The following CHAC2 variants were observed in gnomAD, a reference collection of about 807,000 sequenced individuals.
CHAC2 encodes glutathione-specific gamma-glutamylcyclotransferase 2.
Under a neutral mutation model 16.9 loss-of-function variants are expected in CHAC2, and 20 were observed. That is an observed-to-expected ratio of 1.18 (90% CI 0.83 to 1.72). The LOEUF (loss-of-function observed/expected upper bound fraction) is 1.72. Among genes scored for constraint, CHAC2 ranks in the 40% most tolerant of loss-of-function variants. The probability of loss-of-function intolerance (pLI) is 0.00; values close to 1 mark genes in which losing one functional copy is unlikely to be tolerated. For synonymous variants in CHAC2, 91 were observed against 77.3 expected (o/e 1.18, Z -0.93); for missense variants, 269 against 222.2 (o/e 1.21, Z -1.34).
Position 53,767,950 on chromosome 2 carries a change from G to T in CHAC2, c.64G>T (p.Val22Phe). Reference sequence around the variant, plus strand: ...GGATTTCCCCTATCAGGACAAGCTGGTCGGATACATCACCAACTACAGCAG... The same window carrying T: ...GGATTTCCCCTATCAGGACAAGCTGTTCGGATACATCACCAACTACAGCAG... ...KVDFPYQDKL[V>F]GYITNYSRRF... Residue 22 changes from valine (V) to phenylalanine (F), a missense_variant, in exon 1 of 3, where the codon GTC (valine) becomes TTC (phenylalanine). By Grantham distance (50) the Val-to-Phe change is conservative. Transcript: ENST00000295304. The T allele has an allele frequency of 6.2e-7, 1 of 1,614,148 alleles. No individual in the cohort carries two copies. The highest frequency in any genetic ancestry group is 8.5e-7 in the Non-Finnish European group (1 of 1,180,008).
intron 1 of CHAC2, among the ~76,000 whole-genome samples, chr2:53,769,202 T>C (rs1441162822): frequency 6.6e-6 from 1 of 152,210 alleles, no homozygotes; most frequent in Non-Finnish European, 1.5e-5. Flanking sequence ...CTAAGCTAAA[T>C]TAAATGGCTT....
chr2:53,767,929 T>C lies in CHAC2; in HGVS notation c.43T>C (p.Phe15Leu). The C allele has an allele frequency of 6.2e-7, 1 of 1,614,018 alleles. No individual in the cohort carries two copies. The highest frequency in any genetic ancestry group is 8.5e-7 in the Non-Finnish European group (1 of 1,179,970). ...CGGGTCCCTGATCTGGAAGGTGGAT[T>C]TCCCCTATCAGGACAAGCTGGTCGG... Reference protein sequence around the residue: ...GYGSLIWKVDFPYQDKLVGYI... With the variant: ...GYGSLIWKVDLPYQDKLVGYI... The change falls in exon 1 of 3, where the codon TTC (phenylalanine) becomes CTC (leucine). Residue 15 changes from phenylalanine to leucine, a missense_variant. Transcript: ENST00000295304.
chr2:53,774,060 G>T (rs1158019867), intron 2 of CHAC2, 82 bp from the exon 3 acceptor site: 1 of 1,351,526 alleles, frequency 7.4e-7, no homozygotes, highest in Non-Finnish European at 1.0e-6. Context: ...GAATATATGA[G>T]ATACTCCCTT....
Position 53,774,554 on chromosome 2 carries a change from C to G in CHAC2, c.*29C>G. 6.9e-7 allele frequency: 1 copy of G among 1,448,196 alleles called. No homozygotes were observed. The highest frequency in any genetic ancestry group is 2.3e-5 in the East Asian group (1 of 42,988). The allele number at this position is 1,448,196 out of a possible 1,614,324, so 89.7% of individuals were successfully genotyped here. The stretch of plus-strand genomic sequence containing the variant: ...AGTCTTCAGAGAATTAACTTCAGTG[C>G]ACAATGACAATATGATTTGGAAATA... On this transcript the variant is annotated 3_prime_UTR_variant, in exon 3 of 3. Transcript: ENST00000295304.
chr2:53,768,197 A>T, intron 1 of CHAC2, 176 bp downstream of exon 1: 1 of 717,194 alleles, frequency 1.4e-6, no homozygotes, highest in Non-Finnish European at 2.2e-6. Context: ...TCTCTAACCC[A>T]GCCCGGGCAC....
chr2:53,767,832 G>C lies in CHAC2; in HGVS notation c.-55G>C, dbSNP rs2104113049. ...CGCTTACCGGAGGCTTCAGTCCCCG[G>C]CGGCGCGGCGACAGCTAGGGTTCAC... On this transcript the variant is annotated 5_prime_UTR_variant, in exon 1 of 3. Coordinates refer to ENST00000295304, the MANE Select transcript of CHAC2 (RefSeq NM_001008708.4). 1 of 1,555,554 alleles carries C rather than the reference G, an allele frequency of 6.4e-7. No individual in the cohort carries two copies. The highest frequency in any genetic ancestry group is 2.4e-5 in the East Asian group (1 of 42,152).
intron 2 of CHAC2, among the ~76,000 whole-genome samples, chr2:53,773,814 C>A (rs1358902431): frequency 1.3e-5 from 2 of 151,788 alleles, no homozygotes; most frequent in Non-Finnish European, 2.9e-5. Context: ...GCAGGTGGAT[C>A]ACTTGAGGTC....
At chr2:53,769,847 A>T (rs1673770517) in intron 1 of CHAC2, among the ~76,000 whole-genome samples, 4 of 152,212 alleles carry the variant, frequency 2.6e-5, no homozygotes, top group African/African-American at 9.7e-5. Flanking sequence ...CGTCTCAAAA[A>T]AAAAGAGCTA....
chr2:53,768,840 A>G (rs547853127), intron 1 of CHAC2, among the ~76,000 whole-genome samples: 2 of 152,360 alleles, frequency 1.3e-5, no homozygotes, highest in African/African-American at 4.8e-5. Context: ...ACTGGCTACA[A>G]AACAACTAAT....
chr2:53,770,578 A>T (rs1177190217), intron 1 of CHAC2, among the ~76,000 whole-genome samples: 1 of 151,714 alleles, frequency 6.6e-6, no homozygotes, highest in Non-Finnish European at 1.5e-5. Flanking sequence ...GAACATTCCA[A>T]GTCTGGACTT....
At chr2:53,773,472 C>A (rs1674088854) in intron 2 of CHAC2, among the ~76,000 whole-genome samples, 1 of 151,988 alleles carries the variant, frequency 6.6e-6, no homozygotes, top group African/African-American at 2.4e-5. Flanking sequence ...ACTCTATAAC[C>A]CAGGCTTGAG....
At position 53,774,717 on chromosome 2, in the gene CHAC2, T is replaced by C; in HGVS notation, c.*192T>C. The stretch of plus-strand genomic sequence containing the variant: ...AATTCAAATTTTAATAACATAAAGA[T>C]TTCCTAACTTTATGTTATTGAACAC... On this transcript the variant is annotated 3_prime_UTR_variant, in exon 3 of 3. Coordinates refer to ENST00000295304, the MANE Select transcript of CHAC2 (RefSeq NM_001008708.4). 2 of 468,238 alleles carry C rather than the reference T, an allele frequency of 4.3e-6. No individual in the cohort carries two copies. The highest frequency in any genetic ancestry group is 3.7e-6 in the Non-Finnish European group (1 of 273,764). 29.0% of individuals were successfully genotyped at this position (468,238 alleles called of 1,614,324 possible). A position where few individuals can be genotyped will look rare whatever the true frequency, so the allele number is the denominator to read the frequency against.
chr2:53,769,522 G>T (rs977312198), intron 1 of CHAC2, among the ~76,000 whole-genome samples: 1 of 152,152 alleles, frequency 6.6e-6, no homozygotes, highest in Non-Finnish European at 1.5e-5. Flanking sequence ...AAATTGCCTA[G>T]TCAACACAAC....
rs1413095710 is a variant in CHAC2 at position 53,768,307 on chromosome 2, G to A, written c.135+286G>A. The A allele has an allele frequency of 3.0e-5, 11 of 361,504 alleles. No homozygotes were observed. The East Asian group carries it at 4.6e-4, about 15-fold the overall frequency. 22.4% of individuals were successfully genotyped at this position (361,504 alleles called of 1,614,324 possible). Reference sequence around the variant, plus strand: ...CTCGCACCAGGCTGAGTGCGGAGATGGGGACTCCATCTCTCTGCAACCTCT... The same window carrying A: ...CTCGCACCAGGCTGAGTGCGGAGATAGGGACTCCATCTCTCTGCAACCTCT... On this transcript the variant is annotated intron_variant, in intron 1 of 2. Transcript: ENST00000295304.
chr2:53,768,534 T>G (rs1673661854), intron 1 of CHAC2, among the ~76,000 whole-genome samples: 1 of 152,240 alleles, frequency 6.6e-6, no homozygotes. Context: ...AGTTTTATTT[T>G]CTGACACACA....
In CHAC2 at chr2:53,774,886, T is replaced by C. The variant is rs764123225; in HGVS notation, c.*361T>C. On this transcript the variant is annotated 3_prime_UTR_variant, in exon 3 of 3. Coordinates refer to ENST00000295304, the MANE Select transcript of CHAC2 (RefSeq NM_001008708.4). ...AATTAAACCAAAATTCCAATAAATA[T>C]AAGGTTATGCCTTCAATATATTCCT... 1.1e-4 allele frequency: 18 copies of C among 168,612 alleles called. No individual in the cohort carries two copies. The highest frequency in any genetic ancestry group is 3.6e-4 in the South Asian group (2 of 5,612). The allele number at this position is 168,612 out of a possible 1,614,324, so 10.4% of individuals were successfully genotyped here. A position where few individuals can be genotyped will look rare whatever the true frequency, so the allele number is the denominator to read the frequency against.
chr2:53,768,593 A>T (rs1032595476), intron 1 of CHAC2, among the ~76,000 whole-genome samples: 10 of 152,242 alleles, frequency 6.6e-5, no homozygotes, highest in Non-Finnish European at 1.5e-4. Context: ...TAAGGAACTC[A>T]CTTTGGTTTT....
In CHAC2 at chr2:53,774,472, G is replaced by C. The variant is rs72799216; in HGVS notation, c.502G>C (p.Glu168Gln). The C allele has an allele frequency of 2.5e-6, 4 of 1,588,128 alleles. No individual in the cohort carries two copies. The highest frequency in any genetic ancestry group is 3.7e-5 in the Admixed American group (2 of 53,364). ...EEADEHLFAL[E>Q]KLVKERLEGK... ...AGCAGATGAGCATCTTTTCGCTTTGGAAAAATTAGTAAAGGAACGTTTAGA... is the reference window on the plus strand; with the variant it reads ...AGCAGATGAGCATCTTTTCGCTTTGCAAAAATTAGTAAAGGAACGTTTAGA... The change falls in exon 3 of 3, where the codon GAA becomes CAA. Residue 168 changes from glutamate to glutamine, a missense_variant. Physicochemically the swap from Glu to Gln is conservative, Grantham distance 29. Coordinates refer to ENST00000295304, the MANE Select transcript of CHAC2 (RefSeq NM_001008708.4).
At chr2:53,772,806 C>T (rs529903431) in intron 2 of CHAC2, among the ~76,000 whole-genome samples, 16 of 152,224 alleles carry the variant, frequency 1.1e-4, no homozygotes, top group African/African-American at 3.9e-4. Flanking sequence ...TTTCATCACC[C>T]AGGTATTAAC....
Sources: allele counts gnomAD v4.1 joint callset (sites outside exome capture counted in the v4.1 genomes callset), GRCh38; gene constraint gnomAD v4.1.1; transcripts MANE v1.5; gene names NCBI Gene and HGNC (gene_info 2026-07-23, HGNC 2026-07-21).